ZFHX3: variants seen among roughly 807,000 people sequenced by gnomAD.
ZFHX3 encodes zinc finger homeobox 3, also known as zinc finger homeobox protein 3.
ZFHX3 carries 42 observed loss-of-function variants against 279.1 expected under a neutral mutation model. The ratio of observed to expected loss-of-function variants is 0.15; its 90% confidence interval spans 0.12 to 0.19. ZFHX3 has a LOEUF of 0.19. Ranked by LOEUF, ZFHX3 falls within the 10% of genes least tolerant of loss-of-function variation. ZFHX3 has a pLI of 1.00. For synonymous variants in ZFHX3, 2,293 were observed against 1,957.8 expected (o/e 1.17, Z -4.52); for missense variants, 4,981 against 4,754.0 (o/e 1.05, Z -1.40).
intron 3 of ZFHX3, among the ~76,000 whole-genome samples, chr16:72,909,155 A>C (rs1454241267): frequency 6.6e-6 from 1 of 152,220 alleles, no homozygotes; most frequent in Admixed American, 6.5e-5. Flanking sequence ...GGGGAGAATA[A>C]TGTCTTAGTC....
intron 8 of ZFHX3, among the ~76,000 whole-genome samples, chr16:73,081,835 C>CTTTT (rs369769502): frequency 7.5e-6 from 1 of 132,984 alleles, no homozygotes; most frequent in Non-Finnish European, 1.6e-5. Context: ...TTGTCCACAT[C>CTTTT]TTTTTTTTTT....
At chr16:72,937,370 A>G (rs766356879) in intron 3 of ZFHX3, among the ~76,000 whole-genome samples, 4 of 152,232 alleles carry the variant, frequency 2.6e-5, no homozygotes, top group Non-Finnish European at 5.9e-5. Flanking sequence ...AGAGATAGAC[A>G]AAGGGCAAGA....
chr16:73,540,350 T>C (rs2019989153), intron 2 of ZFHX3, among the ~76,000 whole-genome samples: 1 of 152,234 alleles, frequency 6.6e-6, no homozygotes, highest in African/African-American at 2.4e-5. Flanking sequence ...TTTAATCATC[T>C]ATTTTCAAGG....
At chr16:73,632,815 G>A (rs1211767117) in intron 2 of ZFHX3, among the ~76,000 whole-genome samples, 3 of 152,292 alleles carry the variant, frequency 2.0e-5, no homozygotes, top group Admixed American at 6.5e-5. Context: ...GGTGGCTTAC[G>A]CCTGTAATCC....
At chr16:73,447,604 G>C (rs1483197406) in intron 3 of ZFHX3, among the ~76,000 whole-genome samples, 3 of 152,134 alleles carry the variant, frequency 2.0e-5, no homozygotes, top group Admixed American at 6.6e-5. Flanking sequence ...AAAAGGAGCA[G>C]AGTCCCTGGT....
intron 4 of ZFHX3, among the ~76,000 whole-genome samples, chr16:73,262,281 T>C (rs973799071): frequency 6.6e-6 from 1 of 152,198 alleles, no homozygotes; most frequent in Non-Finnish European, 1.5e-5. Flanking sequence ...AGGAATAAAT[T>C]TAAGGAGCAG....
chr16:72,817,266 T>C (rs2036635944), intron 5 of ZFHX3, among the ~76,000 whole-genome samples: 1 of 152,166 alleles, frequency 6.6e-6, no homozygotes, highest in Non-Finnish European at 1.5e-5. Flanking sequence ...GCTAACAAAT[T>C]CGACATCCGA....
chr16:73,058,696 TGGCGGCGGCGGCGGC>T (rs552488803), exon 1 of ZFHX3: 9 of 169,872 alleles, frequency 5.3e-5, no homozygotes, highest in South Asian at 2.1e-4. Context: ...GACGCGCTGC[TGGCGGCGGCGGCGGC>T]GGCGGCGGCG....
At chr16:72,872,891 G>T (rs1432099136) in intron 4 of ZFHX3, among the ~76,000 whole-genome samples, 1 of 152,198 alleles carries the variant, frequency 6.6e-6, no homozygotes, top group Admixed American at 6.5e-5. Flanking sequence ...TTTTGGCCCT[G>T]CCCAAGATCC....
In ZFHX3 at chr16:73,507,485, C is replaced by CTTTTTT. The variant is rs752001880; in HGVS notation, c.-1546-51233_-1546-51228dup. Among the ~76,000 whole-genome samples, 20 of 79,762 alleles carry CTTTTTT rather than the reference C, an allele frequency of 2.5e-4. 2 individuals are homozygous for CTTTTTT. The highest frequency in any genetic ancestry group is 3.7e-4 in the African/African-American group (6 of 16,238). The allele number at this position is 79,762 out of a possible 152,430, so 52.3% of individuals were successfully genotyped here. On this transcript the variant is annotated intron_variant, in intron 2 of 17. Coordinates refer to the ZFHX3 transcript ENST00000641206. ...AAATGCGTGAAATTCAGCTCTGCCACTTTTTTTTTTTTTTTTTTTTTTTTT... is the reference window on the plus strand; with the variant it reads ...AAATGCGTGAAATTCAGCTCTGCCACTTTTTTTTTTTTTTTTTTTTTTTTTTTTTTT...
intron 3 of ZFHX3, among the ~76,000 whole-genome samples, chr16:73,376,974 C>CTTT (rs11399068): frequency 0.051 from 7,186 of 139,626 alleles, 686 homozygotes; most frequent in African/African-American, 0.18. Context: ...ATCATGACTG[C>CTTT]TTTTTTTTTT....
Position 72,882,975 on chromosome 16 carries a change from GGGGTGT to G in ZFHX3, c.3448+6750_3448+6755del, listed in dbSNP as rs1429997290. ...AGATTTTTGGCCTTCACACCACTCT[GGGGTGT>G]GTGTGTGTGTGTGTGTGTGTGTGTG... On this transcript the variant is annotated intron_variant, in intron 4 of 9. Transcript: ENST00000268489. 2.6e-5 allele frequency among the ~76,000 whole-genome samples: 3 copies of G among 113,386 alleles called. 1 individual carries two copies. The East Asian group carries it at 8.2e-4, about 31-fold the overall frequency. The allele number at this position is 113,386 out of a possible 152,430, so 74.4% of individuals were successfully genotyped here.
At chr16:73,206,893 C>G (rs1039349874) in intron 5 of ZFHX3, among the ~76,000 whole-genome samples, 1 of 151,856 alleles carries the variant, frequency 6.6e-6, no homozygotes, top group Non-Finnish European at 1.5e-5. Context: ...TGGCGGGTAC[C>G]TGTAGTTGCA....
Position 73,161,235 on chromosome 16 carries a change from A to G in ZFHX3, c.-1103-17404T>C, listed in dbSNP as rs139329675. Among the ~76,000 whole-genome samples, 1,055 of 152,014 alleles carry G rather than the reference A, an allele frequency of 6.9e-3. 15 individuals are homozygous for G. The highest frequency in any genetic ancestry group is 0.022 in the African/African-American group (905 of 41,466). ...CAAGCAATCCTGTCTCAGCCTCCCA[A>G]ACTTCTAGGATCACAGGTGTGAGCC... On this transcript the variant is annotated intron_variant, in intron 5 of 17. Transcript: ENST00000641206.
chr16:73,347,104 T>C (rs898793601), intron 3 of ZFHX3, among the ~76,000 whole-genome samples: 1 of 152,228 alleles, frequency 6.6e-6, no homozygotes, highest in African/African-American at 2.4e-5. Flanking sequence ...CAGAGCCATA[T>C]AGAAGACACA....
At chr16:72,850,380 C>T (rs757197999) in intron 4 of ZFHX3, among the ~76,000 whole-genome samples, 1 of 152,246 alleles carries the variant, frequency 6.6e-6, no homozygotes, top group African/African-American at 2.4e-5. Context: ...ACTGTCACTA[C>T]CAAGTGTGCA....
chr16:73,709,238 A>G (rs1358388703), intron 1 of ZFHX3, among the ~76,000 whole-genome samples: 2 of 151,998 alleles, frequency 1.3e-5, no homozygotes, highest in East Asian at 3.9e-4. Context: ...AGTGGGGTGC[A>G]CCTGTAGTCT....
At chr16:73,124,335 G>C (rs1966535387) in intron 7 of ZFHX3, among the ~76,000 whole-genome samples, 1 of 152,120 alleles carries the variant, frequency 6.6e-6, no homozygotes, top group Non-Finnish European at 1.5e-5. Flanking sequence ...CCTTCATGTG[G>C]TGGAAGGAGC....
intron 2 of ZFHX3, among the ~76,000 whole-genome samples, chr16:73,516,007 C>T (rs958206126): frequency 1.3e-5 from 2 of 152,200 alleles, no homozygotes; most frequent in African/African-American, 4.8e-5. Flanking sequence ...CTATGAAATA[C>T]ATTTATATTC....
Sources: gnomAD v4.1 joint callset for allele counts (sites outside exome capture counted in the v4.1 genomes callset) on GRCh38, gnomAD v4.1.1 for gene constraint, MANE v1.5 for transcripts, NCBI Gene and HGNC (gene_info 2026-07-23, HGNC 2026-07-21) for gene names.